Variants in UNC79 observed in about 807,000 individuals in gnomAD.
UNC79 encodes the protein unc-79 subunit of NALCN channel complex, also known as protein unc-79 homolog.
A neutral mutation model predicts 283.1 loss-of-function variants in UNC79; 37 were observed. The observed-to-expected ratio is 0.13, with a 90% CI of 0.10 to 0.17. The LOEUF is 0.17. Among genes scored for constraint, UNC79 ranks in the 10% least tolerant of loss-of-function variants. The pLI, the probability that UNC79 is intolerant of heterozygous loss-of-function variation, is 1.00. For synonymous variants in UNC79, 1,107 were observed against 1,200.2 expected, an observed-to-expected ratio of 0.92 and a Z score of 1.61; for missense variants, 2,272 against 3,211.1, an observed-to-expected ratio of 0.71 and a Z score of 7.07.
intron 1 of UNC79, among the ~76,000 whole-genome samples, chr14:93,346,730 G>A (rs554838554): frequency 5.3e-5 from 8 of 152,308 alleles, no homozygotes; most frequent in East Asian, 3.9e-4. Flanking sequence ...TAAAGTATAG[G>A]TAGAGAGGAA....
intron 1 of UNC79, among the ~76,000 whole-genome samples, chr14:93,419,271 C>T (rs2055537660): frequency 6.6e-6 from 1 of 151,054 alleles, no homozygotes; most frequent in South Asian, 2.2e-4. Context: ...CAGGTTCAAG[C>T]AGTTGTTCTG....
chr14:93,658,586 C>T (rs2071204213), intron 38 of UNC79, among the ~76,000 whole-genome samples: 1 of 152,124 alleles, frequency 6.6e-6, no homozygotes, highest in Admixed American at 6.5e-5. Context: ...GATGTGGAAT[C>T]TTGTCAATAT....
chr14:93,426,564 C>T (rs563584751), upstream of UNC79, among the ~76,000 whole-genome samples: 11 of 150,862 alleles, frequency 7.3e-5, no homozygotes, highest in African/African-American at 2.0e-4. Context: ...TTATTTTTTT[C>T]GATCTGTTTT....
At chr14:93,394,403 T>TTTATTTTATTTTATC in intron 1 of UNC79, among the ~76,000 whole-genome samples, 1 of 145,854 alleles carries the variant, frequency 6.9e-6, no homozygotes, top group Admixed American at 6.7e-5. Flanking sequence ...TTTATTTTAT[T>TTTATTTTATTTTATC]TTATTTTATC....
intron 2 of UNC79, among the ~76,000 whole-genome samples, chr14:93,470,836 G>A (rs1242074333): frequency 1.3e-5 from 2 of 152,154 alleles, no homozygotes; most frequent in Non-Finnish European, 2.9e-5. Context: ...CTGCTACATG[G>A]GAGGGAGTCT....
intron 31 of UNC79, 79 bp downstream of exon 33, chr14:93,630,987 A>T: frequency 1.5e-6 from 2 of 1,296,892 alleles, no homozygotes; most frequent in South Asian, 1.2e-5. Context: ...CAATTTTCCC[A>T]ATCTTGGTAT....
At chr14:93,642,649 C>G (rs1304481690) in intron 33 of UNC79, among the ~76,000 whole-genome samples, 1 of 152,106 alleles carries the variant, frequency 6.6e-6, no homozygotes, top group Non-Finnish European at 1.5e-5. Context: ...CTCCCCAAGT[C>G]TTAATCTTTC....
At chr14:93,600,223 A>AAAC (rs529025652) in intron 24 of UNC79, among the ~76,000 whole-genome samples, 9 of 151,998 alleles carry the variant, frequency 5.9e-5, no homozygotes, top group East Asian at 5.8e-4. Context: ...AGAAACAAAC[A>AAAC]AACAACAACA....
At chr14:93,511,200 A>G (rs2059807435) in intron 7 of UNC79, among the ~76,000 whole-genome samples, 1 of 152,150 alleles carries the variant, frequency 6.6e-6, no homozygotes, top group Non-Finnish European at 1.5e-5. Flanking sequence ...CCCACGATCT[A>G]GTCACCTTCC....
chr14:93,520,315 C>T (rs2060263969), intron 7 of UNC79, among the ~76,000 whole-genome samples: 2 of 151,684 alleles, frequency 1.3e-5, no homozygotes, highest in Non-Finnish European at 1.5e-5. Context: ...CTTTTTTTCC[C>T]TCCTGGCTAT....
chr14:93,674,122 A>T (rs150429182), intron 41 of UNC79, among the ~76,000 whole-genome samples: 3 of 152,298 alleles, frequency 2.0e-5, no homozygotes, highest in Non-Finnish European at 4.4e-5. Flanking sequence ...ATGACCTGAG[A>T]CAGGCTATGA....
intron 31 of UNC79, among the ~76,000 whole-genome samples, chr14:93,634,073 C>T (rs1452422267): frequency 6.6e-6 from 1 of 152,102 alleles, no homozygotes; most frequent in South Asian, 2.1e-4. Flanking sequence ...TATACACGCA[C>T]ACACACACAT....
chr14:93,560,758 G>C (rs939800978), intron 14 of UNC79, among the ~76,000 whole-genome samples: 1 of 152,094 alleles, frequency 6.6e-6, no homozygotes. Context: ...GAGAGCTTGT[G>C]CCAGGCAAAA....
chr14:93,622,586 A>G (rs771324715), exon 30 of UNC79: 5 of 1,613,958 alleles, frequency 3.1e-6, no homozygotes, highest in East Asian at 2.2e-5. Context: ...AGGGGCAAAA[A>G]CCGTCCTCCT....
intron 1 of UNC79, among the ~76,000 whole-genome samples, chr14:93,382,893 T>C (rs566999410): frequency 1.7e-4 from 26 of 152,204 alleles, no homozygotes; most frequent in Non-Finnish European, 2.9e-4. Flanking sequence ...ACAAAAAGTC[T>C]GTCACTAACC....
intron 30 of UNC79, 79 bp downstream of exon 32, chr14:93,622,920 A>G: frequency 6.6e-7 from 1 of 1,523,370 alleles, no homozygotes; most frequent in South Asian, 1.3e-5. Flanking sequence ...GGCACTGAAT[A>G]TGCATCAGAC....
intron 26 of UNC79, 48 bp downstream of exon 26, chr14:93,603,466 C>T (rs776052643): frequency 1.3e-5 from 21 of 1,580,202 alleles, no homozygotes; most frequent in Non-Finnish European, 1.6e-5. Flanking sequence ...TAATGTCTTT[C>T]TGAGGCTGAC....
At chr14:93,539,181 G>A (rs1449606065) in intron 12 of UNC79, among the ~76,000 whole-genome samples, 2 of 149,324 alleles carry the variant, frequency 1.3e-5, no homozygotes, top group African/African-American at 4.9e-5. Context: ...GGGATTACAG[G>A]CGTGAGCCAC....
chr14:93,467,304 T>G (rs1044022073), intron 1 of UNC79, among the ~76,000 whole-genome samples: 3 of 152,128 alleles, frequency 2.0e-5, no homozygotes, highest in Non-Finnish European at 4.4e-5. Flanking sequence ...AAGACTTATA[T>G]CTATTATTAT....
Sources: gnomAD v4.1 joint callset for allele counts (sites outside exome capture counted in the v4.1 genomes callset) on GRCh38, gnomAD v4.1.1 for gene constraint, MANE v1.5 for transcripts, NCBI Gene and HGNC (gene_info 2026-07-23, HGNC 2026-07-21) for gene names.